Variants in CDH2 observed in about 807,000 individuals in gnomAD.
CDH2 encodes cadherin-2.
A neutral mutation model predicts 92.0 loss-of-function variants in CDH2; 17 were observed. The ratio of observed to expected loss-of-function variants is 0.18; its 90% CI spans 0.13 to 0.28. The LOEUF (loss-of-function observed/expected upper bound fraction) is 0.28, where lower values mean the gene tolerates loss of function less well. CDH2 is among the 10% of genes least tolerant of loss of function. The pLI, the probability that CDH2 is intolerant of heterozygous loss-of-function variation, is 1.00. For missense variants in CDH2, 862 were observed against 1,133.1 expected (o/e 0.76, Z 3.44); for synonymous variants, 419 against 415.9 (o/e 1.01, Z -0.09).
intron 6 of CDH2, among the ~76,000 whole-genome samples, chr18:27,934,827 G>A (rs548763332): frequency 6.6e-6 from 1 of 152,286 alleles, no homozygotes; most frequent in East Asian, 1.9e-4. Flanking sequence ...AACTACCACT[G>A]TGACTACTCA....
chr18:28,122,755 G>A (rs2015612893), intron 2 of CDH2, among the ~76,000 whole-genome samples: 1 of 152,134 alleles, frequency 6.6e-6, no homozygotes, highest in Non-Finnish European at 1.5e-5. Context: ...TAGCAGACTA[G>A]AGGTGCTTCA....
chr18:28,008,282 T>G (rs1393977907), intron 5 of CDH2, among the ~76,000 whole-genome samples: 1 of 152,094 alleles, frequency 6.6e-6, no homozygotes, highest in Admixed American at 6.5e-5. Context: ...ATGTTGTCTT[T>G]GTGAGACGTT....
chr18:28,121,333 T>C (rs2015584906), intron 2 of CDH2, among the ~76,000 whole-genome samples: 2 of 152,162 alleles, frequency 1.3e-5, no homozygotes, highest in African/African-American at 4.8e-5. Context: ...GCCCATTCAC[T>C]GAATGCAACC....
chr18:28,019,424 TGACA>T (rs373536727), intron 2 of CDH2, among the ~76,000 whole-genome samples: 1 of 151,946 alleles, frequency 6.6e-6, no homozygotes, highest in African/African-American at 2.4e-5. Context: ...GATAAGGGTT[TGACA>T]GACAGAAGCG....
intron 2 of CDH2, among the ~76,000 whole-genome samples, chr18:28,050,459 TA>T (rs45536537): frequency 1.3e-5 from 2 of 152,106 alleles, no homozygotes; most frequent in African/African-American, 4.8e-5. Context: ...ATTTCATTCT[TA>T]AAAAAAATTC....
chr18:28,093,456 A>G (rs551140103), intron 2 of CDH2, among the ~76,000 whole-genome samples: 1 of 152,282 alleles, frequency 6.6e-6, no homozygotes, highest in East Asian at 1.9e-4. Context: ...TAGATTTTCA[A>G]AGGTTTCTTT....
intron 15 of CDH2, among the ~76,000 whole-genome samples, chr18:27,956,378 T>A (rs575551611): frequency 3.9e-5 from 6 of 152,304 alleles, no homozygotes; most frequent in African/African-American, 1.4e-4. Context: ...GAATTCTTGC[T>A]GAGCTTGTAT....
chr18:28,013,087 T>C (rs1307251466), intron 3 of CDH2, among the ~76,000 whole-genome samples: 1 of 152,222 alleles, frequency 6.6e-6, no homozygotes, highest in African/African-American at 2.4e-5. Context: ...CAATGACTTA[T>C]ACAAATTAAG....
chr18:27,955,445 C>T (rs531035187), intron 15 of CDH2, among the ~76,000 whole-genome samples: 3 of 148,478 alleles, frequency 2.0e-5, no homozygotes, highest in East Asian at 2.0e-4. Context: ...CAAATTAGCC[C>T]GAAAGGGTCA....
At chr18:27,968,921 C>T (rs2011591451) in intron 14 of CDH2, among the ~76,000 whole-genome samples, 1 of 152,084 alleles carries the variant, frequency 6.6e-6, no homozygotes, top group Admixed American at 6.5e-5. Context: ...GAGAGAAGAA[C>T]ACTATTATCT....
rs35562216 is a variant in CDH2, at chr18:28,166,149, CATAT to C, written c.60+10810_60+10813del. ...CAAAGAGGAGTAATTCAGACACACTCATATATATATATATATATATATATGTCTG... is the reference window on the plus strand; with the variant it reads ...CAAAGAGGAGTAATTCAGACACACTCATATATATATATATATATATGTCTG... On this transcript the variant is annotated intron_variant, in intron 1 of 15. Coordinates refer to ENST00000269141, the MANE Select transcript of CDH2 (RefSeq NM_001792.5). Among the ~76,000 whole-genome samples, 160 of 59,274 alleles carry C rather than the reference CATAT, an allele frequency of 2.7e-3. 7 individuals carry two copies. The highest frequency in any genetic ancestry group is 0.013 in the South Asian group (18 of 1,384). The allele number at this position is 59,274 out of a possible 152,430, so 38.9% of individuals were successfully genotyped here.
chr18:28,019,012 T>C (rs2013333570), intron 2 of CDH2, among the ~76,000 whole-genome samples: 1 of 151,946 alleles, frequency 6.6e-6, no homozygotes, highest in African/African-American at 2.4e-5. Context: ...TGGGTGGAAC[T>C]GGAGACCATT....
intron 9 of CDH2, among the ~76,000 whole-genome samples, chr18:27,991,509 G>GT (rs2012415030): frequency 6.6e-6 from 1 of 152,164 alleles, no homozygotes; most frequent in Non-Finnish European, 1.5e-5. Flanking sequence ...TTCCCCTGAT[G>GT]TAACATTTAT....
chr18:27,933,668 A>G (rs1908955643), intron 6 of CDH2, among the ~76,000 whole-genome samples: 2 of 152,228 alleles, frequency 1.3e-5, no homozygotes, highest in Admixed American at 6.5e-5. Flanking sequence ...GAGATTAAAC[A>G]TCTTGTAATT....
In CDH2 at chr18:27,983,045, C is replaced by A; in HGVS notation, c.2248G>T (p.Asp750Tyr). Residue 750 changes from aspartate (D) to tyrosine (Y), a missense_variant, in exon 14 of 16, where the codon GAT becomes TAT. This residue lies in a region of CDH2 where 564 missense variants were observed against 722.2 expected (regional missense o/e 0.78). Coordinates refer to ENST00000269141, the MANE Select transcript of CDH2 (RefSeq NM_001792.5). ...LMFVVWMKRR[D>Y]KERQAKQLLI... ...AGTTGTTTGGCCTGGCGTTCTTTATCCCGGCGTTTCATCCATACCACAAAC... is the reference window on the plus strand; with the variant it reads ...AGTTGTTTGGCCTGGCGTTCTTTATACCGGCGTTTCATCCATACCACAAAC... 1 of 1,612,856 alleles carries A rather than the reference C, an allele frequency of 6.2e-7. No individual in the cohort carries two copies. The highest frequency in any genetic ancestry group is 8.5e-7 in the Non-Finnish European group (1 of 1,179,178).
chr18:28,125,226 T>G (rs1219256113), intron 2 of CDH2, among the ~76,000 whole-genome samples: 2 of 152,174 alleles, frequency 1.3e-5, no homozygotes, highest in East Asian at 3.9e-4. Context: ...AACTGTAAAT[T>G]GAACCATTGT....
intron 5 of CDH2, among the ~76,000 whole-genome samples, chr18:28,007,165 A>AAAAAAATATATATATATAT (rs1172779200): frequency 6.1e-4 from 67 of 110,428 alleles, no homozygotes; most frequent in South Asian, 4.1e-3. Flanking sequence ...ATAAAAAAAA[A>AAAAAAATATATATATATAT]ATATATATAT....
chr18:28,085,642 T>C (rs7237382), intron 2 of CDH2, among the ~76,000 whole-genome samples: 28,356 of 151,986 alleles, frequency 0.19, 2,944 homozygotes, highest in East Asian at 0.36. Context: ...ATACCTACTT[T>C]GTACTGACTG....
chr18:28,045,331 A>T (rs891671193), intron 2 of CDH2: 1 of 442,286 alleles, frequency 2.3e-6, no homozygotes, highest in African/African-American at 2.0e-5. Context: ...ACAGCTGATG[A>T]ATAAGTCTTT....
Sources: gnomAD v4.1 joint callset for allele counts (sites outside exome capture counted in the v4.1 genomes callset) on GRCh38, gnomAD v4.1.1 for gene constraint, gnomAD v4.1.1 regional missense constraint, MANE v1.5 for transcripts, NCBI Gene and HGNC (gene_info 2026-07-23, HGNC 2026-07-21) for gene names.